The following AGTPBP1 variants were observed in gnomAD, a reference collection of about 807,000 sequenced individuals.
AGTPBP1 encodes cytosolic carboxypeptidase 1.
Under a neutral mutation model 143.9 loss-of-function variants are expected in AGTPBP1, and 70 were observed. The observed-to-expected ratio is 0.49, with a 90% CI of 0.40 to 0.59. AGTPBP1 has a LOEUF of 0.59. Ranked by LOEUF, AGTPBP1 falls within the 20% of genes least tolerant of loss-of-function variation. AGTPBP1 has a pLI of 0.00. For synonymous variants in AGTPBP1, 463 were observed against 500.2 expected, an observed-to-expected ratio of 0.93 and a Z score of 0.99; for missense variants, 1,229 against 1,464.5, an observed-to-expected ratio of 0.84 and a Z score of 2.62.
intron 23 of AGTPBP1, among the ~76,000 whole-genome samples, chr9:85,584,229 C>A (rs911433460): frequency 6.6e-5 from 10 of 152,106 alleles, no homozygotes; most frequent in African/African-American, 2.2e-4. Flanking sequence ...TTAATGCAGT[C>A]TAACCTAATA....
chr9:85,571,011 G>A (rs1827426535), intron 25 of AGTPBP1, among the ~76,000 whole-genome samples: 1 of 152,210 alleles, frequency 6.6e-6, no homozygotes, highest in Non-Finnish European at 1.5e-5. Context: ...TAACCCTTAG[G>A]TGTAGAATCA....
intron 14 of AGTPBP1, among the ~76,000 whole-genome samples, chr9:85,632,435 A>G (rs925780685): frequency 6.6e-6 from 1 of 152,250 alleles, no homozygotes; most frequent in Non-Finnish European, 1.5e-5. Flanking sequence ...TCCAATGGTC[A>G]GGTTTATCAT....
the AGTPBP1 span, among the ~76,000 whole-genome samples, chr9:85,787,224 A>G: frequency 1.2e-4 from 18 of 152,280 alleles, no homozygotes; most frequent in African/African-American, 2.6e-4. Flanking sequence ...ATTATGCAAT[A>G]TAAGTTTTCA....
At position 85,568,465 on chromosome 9, in the gene AGTPBP1, T is replaced by C. The variant is rs141382513; in HGVS notation, c.3503+6850A>G. Among the ~76,000 whole-genome samples, 111 of 151,924 alleles carry C rather than the reference T, an allele frequency of 7.3e-4. 1 individual carries two copies. The highest frequency in any genetic ancestry group is 2.5e-3 in the African/African-American group (105 of 41,420). The stretch of plus-strand genomic sequence containing the variant: ...GAATGATAAGGATACAAAGTGAGAG[T>C]AGGACAAGCTCAAAGAGGAGAGGAA... On this transcript the variant is annotated intron_variant, in intron 25 of 25. Coordinates refer to ENST00000357081, the MANE Select transcript of AGTPBP1 (RefSeq NM_001330701.2).
chr9:85,717,993 G>A (rs937459634), intron 1 of AGTPBP1, among the ~76,000 whole-genome samples: 6 of 152,178 alleles, frequency 3.9e-5, no homozygotes, highest in South Asian at 2.1e-4. Context: ...CCACGTCCCT[G>A]CAAAGGACAT....
chr9:85,771,571 GTTA>G, the AGTPBP1 span, among the ~76,000 whole-genome samples: 1 of 152,106 alleles, frequency 6.6e-6, no homozygotes, highest in Non-Finnish European at 1.5e-5. Context: ...GTAAGCTACT[GTTA>G]TTGTTATTGA....
intron 1 of AGTPBP1, among the ~76,000 whole-genome samples, chr9:85,728,521 A>G (rs1265678008): frequency 2.6e-5 from 4 of 152,194 alleles, no homozygotes; most frequent in Non-Finnish European, 5.9e-5. Flanking sequence ...CAACTTCTTA[A>G]GTTTTTTCTT....
At chr9:85,787,827 CAG>C in the AGTPBP1 span, 1 of 152,172 alleles carries the variant, frequency 6.6e-6, no homozygotes, top group Non-Finnish European at 1.5e-5. Flanking sequence ...GATGCTTACT[CAG>C]AGTCACCCAC....
intron 1 of AGTPBP1, among the ~76,000 whole-genome samples, chr9:85,734,875 T>C (rs925113513): frequency 2.0e-5 from 3 of 151,412 alleles, no homozygotes; most frequent in African/African-American, 4.9e-5. Flanking sequence ...CTACTAAAAA[T>C]ACAAAAAAAA....
At chr9:85,799,505 A>T in the AGTPBP1 span, among the ~76,000 whole-genome samples, 1 of 152,148 alleles carries the variant, frequency 6.6e-6, no homozygotes, top group African/African-American at 2.4e-5. Context: ...TACCCCATCT[A>T]TAAAAAACTT....
intron 25 of AGTPBP1, among the ~76,000 whole-genome samples, chr9:85,549,464 C>G (rs1327217867): frequency 2.0e-5 from 3 of 152,354 alleles, no homozygotes; most frequent in Middle Eastern, 6.8e-3. Context: ...ATAAGTGAAA[C>G]TGGTTGCTGG....
intron 21 of AGTPBP1, 103 bp downstream of exon 21, chr9:85,588,195 A>G: frequency 9.2e-7 from 1 of 1,083,012 alleles, no homozygotes. Flanking sequence ...TTTATTCTAG[A>G]AAAATCACTA....
At chr9:85,549,103 C>T (rs1331838614) in intron 25 of AGTPBP1, among the ~76,000 whole-genome samples, 1 of 152,096 alleles carries the variant, frequency 6.6e-6, no homozygotes, top group Non-Finnish European at 1.5e-5. Flanking sequence ...GGAAAACTAA[C>T]TGAAGCAAAG....
At chr9:85,612,797 G>C (rs1279275874) in intron 17 of AGTPBP1, among the ~76,000 whole-genome samples, 1 of 152,050 alleles carries the variant, frequency 6.6e-6, no homozygotes, top group Non-Finnish European at 1.5e-5. Flanking sequence ...GAGAGTAGAA[G>C]AACTGGAATG....
At chr9:85,757,392 C>CTGCA in the AGTPBP1 span, among the ~76,000 whole-genome samples, 1 of 151,764 alleles carries the variant, frequency 6.6e-6, no homozygotes, top group Non-Finnish European at 1.5e-5. Flanking sequence ...AATTGGTGAA[C>CTGCA]TGCATGGTAT....
At chr9:85,561,450 A>T (rs1826716688) in intron 25 of AGTPBP1, among the ~76,000 whole-genome samples, 1 of 152,096 alleles carries the variant, frequency 6.6e-6, no homozygotes, top group African/African-American at 2.4e-5. Context: ...AGCTAACTTG[A>T]CATCCTAACA....
rs145860097 is a variant in AGTPBP1, at chr9:85,572,729, A to G, written c.3503+2586T>C. Reference sequence around the variant, plus strand: ...TACATGTTAAGAATACACGAATTAAAAGTTAAAAGGAGGCTTAAATATCAG... The same window carrying G: ...TACATGTTAAGAATACACGAATTAAGAGTTAAAAGGAGGCTTAAATATCAG... On this transcript the variant is annotated intron_variant, in intron 25 of 25. Coordinates refer to ENST00000357081, the MANE Select transcript of AGTPBP1 (RefSeq NM_001330701.2). Among the ~76,000 whole-genome samples the G allele has an allele frequency of 3.3e-5, 5 of 152,302 alleles. No homozygotes were observed. In the East Asian group the frequency reaches 9.6e-4, roughly 29 times the overall value.
At position 85,548,677 on chromosome 9, in the gene AGTPBP1, T is replaced by TG. The variant is rs1554686049; in HGVS notation, c.3504-1392_3504-1391insC. On this transcript the variant is annotated intron_variant, in intron 25 of 25. Transcript: ENST00000357081. Reference sequence around the variant, plus strand: ...TTATTTGGCTTTGGTTTTTTTTTGTTTTTGTTTTTGTTTTTTGAGACAGAG... The same window carrying TG: ...TTATTTGGCTTTGGTTTTTTTTTGTTGTTTGTTTTTGTTTTTTGAGACAGAG... Among the ~76,000 whole-genome samples the TG allele has an allele frequency of 1.4e-3, 185 of 130,954 alleles. 1 individual carries two copies. The highest frequency in any genetic ancestry group is 2.6e-3 in the Non-Finnish European group (168 of 64,442). The allele number at this position is 130,954 out of a possible 152,430, so 85.9% of individuals were successfully genotyped here.
chr9:85,639,350 C>A (rs1425100907), intron 13 of AGTPBP1, among the ~76,000 whole-genome samples: 1 of 141,342 alleles, frequency 7.1e-6, no homozygotes, highest in Non-Finnish European at 1.6e-5. Flanking sequence ...CATACACACA[C>A]CCATGCGCGC....
Sources: gnomAD v4.1 joint callset for allele counts (sites outside exome capture counted in the v4.1 genomes callset) on GRCh38, gnomAD v4.1.1 for gene constraint, MANE v1.5 for transcripts, NCBI Gene and HGNC (gene_info 2026-07-23, HGNC 2026-07-21) for gene names.